DMD: variants seen among roughly 807,000 people sequenced by gnomAD.
DMD encodes dystrophin, also known as mutant dystrophin.
A neutral mutation model predicts 330.1 loss-of-function variants in DMD; 63 were observed. The observed-to-expected ratio is 0.19, with a 90% confidence interval of 0.16 to 0.24. The LOEUF (loss-of-function observed/expected upper bound fraction) is 0.24. DMD is among the 10% of genes least tolerant of loss of function. The pLI, the probability that DMD is intolerant of heterozygous loss-of-function variation, is 1.00. For missense variants in DMD, 3,344 were observed against 2,684.1 expected, an observed-to-expected ratio of 1.25 and a Z score of -5.43; for synonymous variants, 1,223 against 959.8, an observed-to-expected ratio of 1.27 and a Z score of -5.07.
At chrX:32,118,371 G>A (rs761047184) in intron 44 of DMD, among the ~76,000 whole-genome samples, 1 of 111,298 alleles carries the variant, frequency 9.0e-6, no homozygotes, top group South Asian at 3.8e-4. Context: ...AGGTGACAGG[G>A]AATAGCAGCC....
chrX:31,182,393 AG>A (rs1432106760), intron 68 of DMD, among the ~76,000 whole-genome samples: 1 of 112,159 alleles, frequency 8.9e-6, no homozygotes, highest in Non-Finnish European at 1.9e-5. Context: ...ACCGTGAAAA[AG>A]GAAAGATGGT....
chrX:33,048,015 A>G (rs2094405986), intron 1 of DMD, among the ~76,000 whole-genome samples: 1 of 112,554 alleles, frequency 8.9e-6, no homozygotes, highest in Non-Finnish European at 1.9e-5. Flanking sequence ...ATTCTGAAAC[A>G]CTGAAGATCA....
intron 48 of DMD, among the ~76,000 whole-genome samples, chrX:31,869,309 T>C (rs2093851110): frequency 9.0e-6 from 1 of 110,605 alleles, no homozygotes; most frequent in African/African-American, 3.3e-5. Context: ...AAAAGGGTGA[T>C]GGTAGAGATA....
chrX:33,051,646 A>ATTTTTT (rs754035822), intron 1 of DMD, among the ~76,000 whole-genome samples: 22 of 71,922 alleles, frequency 3.1e-4, no homozygotes, highest in African/African-American at 5.2e-4. Flanking sequence ...ATTACGCTCT[A>ATTTTTT]TTTTTTTTTT....
chrX:33,166,766 T>TAC (rs1484258204), intron 1 of DMD, among the ~76,000 whole-genome samples: 3 of 108,890 alleles, frequency 2.8e-5, no homozygotes, highest in Non-Finnish European at 5.8e-5. Context: ...CATACATACA[T>TAC]ATATATATAT....
At chrX:32,910,601 A>AT (rs560280577) in intron 2 of DMD, among the ~76,000 whole-genome samples, 41 of 109,743 alleles carry the variant, frequency 3.7e-4, no homozygotes, top group Middle Eastern at 4.7e-3. Flanking sequence ...TGCCTGGCTA[A>AT]TTTTTCTGTG....
At chrX:33,053,363 A>G (rs1386586690) in intron 1 of DMD, among the ~76,000 whole-genome samples, 1 of 111,207 alleles carries the variant, frequency 9.0e-6, no homozygotes, top group Non-Finnish European at 1.9e-5. Context: ...TGGGAGGCTG[A>G]GGCGGGCGGA....
At chrX:31,258,807 C>G (rs1384998321) in intron 63 of DMD, among the ~76,000 whole-genome samples, 1 of 111,385 alleles carries the variant, frequency 9.0e-6, no homozygotes, top group African/African-American at 3.3e-5. Flanking sequence ...ATTAAAGGAG[C>G]AAACATGTAT....
intron 47 of DMD, among the ~76,000 whole-genome samples, chrX:31,911,820 C>T (rs1409328459): frequency 9.0e-6 from 1 of 111,417 alleles, no homozygotes; most frequent in East Asian, 2.8e-4. Flanking sequence ...CCTCTTACAA[C>T]TACACGAGAA....
intron 55 of DMD, among the ~76,000 whole-genome samples, chrX:31,617,752 T>C (rs909215138): frequency 1.8e-5 from 2 of 110,966 alleles, no homozygotes; most frequent in East Asian, 5.7e-4. Flanking sequence ...TAAATCATTC[T>C]ACCATAAAGA....
At chrX:31,178,618 A>C in intron 70 of DMD, 51 bp downstream of exon 70, 1 of 1,174,625 alleles carries the variant, frequency 8.5e-7, no homozygotes, top group Non-Finnish European at 1.1e-6. Flanking sequence ...AGCTGAGAGG[A>C]GTTCAAATAT....
At chrX:32,607,527 GA>G (rs2056830025) in intron 12 of DMD, among the ~76,000 whole-genome samples, 1 of 109,720 alleles carries the variant, frequency 9.1e-6, no homozygotes, top group East Asian at 2.9e-4. Flanking sequence ...TGTACCAGTA[GA>G]AATCTACTAG....
chrX:31,669,569 T>C (rs138796614), intron 53 of DMD, among the ~76,000 whole-genome samples: 1 of 112,005 alleles, frequency 8.9e-6, no homozygotes, highest in African/African-American at 3.2e-5. Context: ...TGTGAAAGAC[T>C]ATTCTTTTTC....
intron 53 of DMD, among the ~76,000 whole-genome samples, chrX:31,676,210 G>A (rs902711796): frequency 2.3e-4 from 26 of 112,020 alleles, no homozygotes; most frequent in African/African-American, 8.4e-4. Context: ...AACTTACGGA[G>A]CAAGGGGGTG....
At chrX:33,318,110 G>A (rs1284767561) in intron 1 of DMD, among the ~76,000 whole-genome samples, 2 of 111,264 alleles carry the variant, frequency 1.8e-5, no homozygotes, top group Admixed American at 9.6e-5. Context: ...AATCAATACA[G>A]TAATAGAGCT....
In DMD at chrX:32,698,974, G is replaced by C; in HGVS notation, c.831+138C>G. 9.6e-6 allele frequency: 5 copies of C among 522,616 alleles called. No homozygotes were observed. In the South Asian group the frequency reaches 1.6e-4, roughly 16 times the overall value. 43.1% of individuals were successfully genotyped at this position (522,616 alleles called of 1,213,427 possible). A position where few individuals can be genotyped will look rare whatever the true frequency, so the allele number is the denominator to read the frequency against. On this transcript the variant is annotated intron_variant, in intron 8 of 78. Coordinates refer to ENST00000357033, the MANE Select transcript of DMD (RefSeq NM_004006.3). Reference sequence around the variant, plus strand: ...GAAAAGGTTTAGTCTGTCTCTTTTTGTACATATACATACATTAGGCTTTGT... The same window carrying C: ...GAAAAGGTTTAGTCTGTCTCTTTTTCTACATATACATACATTAGGCTTTGT...
intron 52 of DMD, among the ~76,000 whole-genome samples, chrX:31,694,637 TATATATATATATAC>T (rs1344674972): frequency 4.4e-5 from 4 of 90,417 alleles, no homozygotes; most frequent in African/African-American, 1.3e-4. Flanking sequence ...TATATATATA[TATATATATATATAC>T]ACACACATAT....
At chrX:31,376,732 C>T (rs2059904776) in intron 60 of DMD, among the ~76,000 whole-genome samples, 1 of 112,088 alleles carries the variant, frequency 8.9e-6, no homozygotes, top group Non-Finnish European at 1.9e-5. Flanking sequence ...GGGGTAGTGC[C>T]AAGGCAGGTC....
intron 7 of DMD, among the ~76,000 whole-genome samples, chrX:32,764,200 C>G (rs1387053863): frequency 1.8e-5 from 2 of 110,134 alleles, no homozygotes; most frequent in East Asian, 5.7e-4. Context: ...TTGAGCACAA[C>G]TACATTAAAT....
Sources: allele counts gnomAD v4.1 joint callset (sites outside exome capture counted in the v4.1 genomes callset), GRCh38; gene constraint gnomAD v4.1.1; transcripts MANE v1.5; gene names NCBI Gene and HGNC (gene_info 2026-07-23, HGNC 2026-07-21).